ASNS: variants seen among roughly 807,000 people sequenced by gnomAD.
ASNS encodes asparagine synthetase (glutamine-hydrolyzing).
A neutral mutation model predicts 62.6 loss-of-function variants in ASNS; 37 were observed. The ratio of observed to expected loss-of-function variants is 0.59; its 90% CI spans 0.45 to 0.78. The LOEUF is 0.78. Ranked by LOEUF, ASNS falls within the 30% of genes least tolerant of loss-of-function variation. The pLI, the probability that ASNS is intolerant of heterozygous loss-of-function variation, is 0.00. For synonymous variants in ASNS, 207 were observed against 237.9 expected (o/e 0.87, Z 1.19); for missense variants, 520 against 682.4 (o/e 0.76, Z 2.65).
chr7:97,852,277 C>T lies in ASNS; in HGVS notation c.1668G>A (p.Lys556=), dbSNP rs2115580763. The change falls in exon 13 of 13, where the codon AAG becomes AAA. Residue 556 remains lysine, a synonymous_variant. Coordinates refer to ENST00000394308, the MANE Select transcript of ASNS (RefSeq NM_001673.5). ...AGACCACCTAAGCTTTGACAGCTGA[C>T]TTGTAGTGGGTCAGCGTGCGGGCAG... ...DPSARTLTHY[K]SAVKA 5 of 1,614,076 alleles carry T rather than the reference C, an allele frequency of 3.1e-6. No individual in the cohort carries two copies. The highest frequency in any genetic ancestry group is 4.2e-6 in the Non-Finnish European group (5 of 1,180,024).
chr7:97,896,737 C>CATATATATATATATATATATATATAT, the ASNS span, among the ~76,000 whole-genome samples: 6 of 30,512 alleles, frequency 2.0e-4, no homozygotes, highest in Non-Finnish European at 3.2e-4. Context: ...CACACACACA[C>CATATATATATATATATATATATATAT]ACACATATAT....
chr7:97,897,068 T>C, the ASNS span, among the ~76,000 whole-genome samples: 13 of 151,928 alleles, frequency 8.6e-5, no homozygotes, highest in African/African-American at 2.9e-4. Context: ...ACTATAAAAC[T>C]ACTAGAAATA....
chr7:97,869,399 G>A (rs1353987703), intron 2 of ASNS, among the ~76,000 whole-genome samples: 9 of 152,076 alleles, frequency 5.9e-5, no homozygotes, highest in East Asian at 5.8e-4. Flanking sequence ...ACATTCAACC[G>A]GCTACAGCAG....
the ASNS span, among the ~76,000 whole-genome samples, chr7:97,910,726 C>T: frequency 5.3e-5 from 8 of 151,940 alleles, no homozygotes; most frequent in African/African-American, 1.2e-4. Flanking sequence ...CTCAGCCTCC[C>T]GAGTAGCTGG....
chr7:97,886,309 G>A, the ASNS span, among the ~76,000 whole-genome samples: 8 of 152,128 alleles, frequency 5.3e-5, no homozygotes, highest in Middle Eastern at 0.01. Context: ...CACCATGCCC[G>A]GCTAATTTTT....
the ASNS span, among the ~76,000 whole-genome samples, chr7:97,886,903 T>C: frequency 7.2e-5 from 11 of 152,214 alleles, no homozygotes; most frequent in African/African-American, 2.4e-4. Context: ...CTGATGTTAT[T>C]ATGAAGGAAA....
chr7:97,888,973 C>G, the ASNS span, among the ~76,000 whole-genome samples: 1 of 152,158 alleles, frequency 6.6e-6, no homozygotes, highest in Non-Finnish European at 1.5e-5. Context: ...GATCAGCCTG[C>G]CACGCACACC....
chr7:97,871,449 C>T lies in ASNS; in HGVS notation c.-60+902G>A, dbSNP rs1792251700. On this transcript the variant is annotated intron_variant, in intron 1 of 12. Coordinates refer to ENST00000394308, the MANE Select transcript of ASNS (RefSeq NM_001673.5). ...AACCAACTACAGACAGGTTCAAGCCCTACTTTACCTCTAATTACTCTTACA... is the reference window on the plus strand; with the variant it reads ...AACCAACTACAGACAGGTTCAAGCCTTACTTTACCTCTAATTACTCTTACA... Among the ~76,000 whole-genome samples, 1 of 151,946 alleles carries T rather than the reference C, an allele frequency of 6.6e-6. No homozygotes were observed. Among genetic ancestry groups the T allele is most frequent in the Non-Finnish European group, 1.5e-5 (1 of 68,016 alleles).
chr7:97,889,951 A>AC, the ASNS span, among the ~76,000 whole-genome samples: 1 of 133,246 alleles, frequency 7.5e-6, no homozygotes, highest in African/African-American at 2.8e-5. Flanking sequence ...AAAAAAAAAA[A>AC]CCAAACAGGA....
At chr7:97,885,178 T>A in the ASNS span, among the ~76,000 whole-genome samples, 4 of 150,972 alleles carry the variant, frequency 2.6e-5, no homozygotes, top group East Asian at 6.0e-4. Context: ...TCCACTTAGC[T>A]TAATATTCTC....
chr7:97,853,263 C>G, intron 11 of ASNS, 42 bp downstream of exon 11: 8 of 1,611,330 alleles, frequency 5.0e-6, no homozygotes, highest in Non-Finnish European at 6.8e-6. Context: ...CAAATATAAT[C>G]TGATGGCAAT....
At chr7:97,871,502 T>TA (rs200115272) in intron 1 of ASNS, among the ~76,000 whole-genome samples, 16,215 of 117,752 alleles carry the variant, frequency 0.14, 902 homozygotes, top group South Asian at 0.24. Context: ...GATTTAAAAT[T>TA]TAAAAAAAAA....
At chr7:97,928,037 C>G in the ASNS span, 1 of 1,177,594 alleles carries the variant, frequency 8.5e-7, no homozygotes, top group Non-Finnish European at 1.2e-6. Flanking sequence ...CCCCAGCACC[C>G]CCGCGCTCCC....
the ASNS span, chr7:97,886,206 G>A: frequency 8.0e-6 from 2 of 248,700 alleles, no homozygotes; most frequent in African/African-American, 4.5e-5. Flanking sequence ...GGAGGGCAGT[G>A]GCATGATCTC....
chr7:97,895,294 C>T, the ASNS span, among the ~76,000 whole-genome samples: 1 of 152,188 alleles, frequency 6.6e-6, no homozygotes, highest in Admixed American at 6.5e-5. Context: ...AAAGCCTTTC[C>T]TCTAAGAACT....
chr7:97,883,871 G>T, the ASNS span, among the ~76,000 whole-genome samples: 1 of 149,666 alleles, frequency 6.7e-6, no homozygotes, highest in Non-Finnish European at 1.5e-5. Context: ...GCCTGTAGTC[G>T]CAGCTACTTG....
chr7:97,871,957 C>A (rs1310441508), intron 1 of ASNS: 1 of 152,380 alleles, frequency 6.6e-6, no homozygotes, highest in East Asian at 1.9e-4. Flanking sequence ...CGATCCGACC[C>A]GTCCGCCGCA....
At chr7:97,885,014 T>C in the ASNS span, among the ~76,000 whole-genome samples, 1 of 152,150 alleles carries the variant, frequency 6.6e-6, no homozygotes, top group Non-Finnish European at 1.5e-5. Context: ...TTCTCCTGCC[T>C]CCCGAGTAGC....
At chr7:97,916,562 C>G in the ASNS span, among the ~76,000 whole-genome samples, 1 of 152,118 alleles carries the variant, frequency 6.6e-6, no homozygotes, top group Non-Finnish European at 1.5e-5. Flanking sequence ...GGCACACAGG[C>G]GGATCCAAGA....
Sources: allele counts gnomAD v4.1 joint callset (sites outside exome capture counted in the v4.1 genomes callset), GRCh38; gene constraint gnomAD v4.1.1; transcripts MANE v1.5; gene names NCBI Gene and HGNC (gene_info 2026-07-23, HGNC 2026-07-21).